ST3GAL1: variants seen among roughly 807,000 people sequenced by gnomAD.
ST3GAL1 encodes the protein CMP-N-acetylneuraminate-beta-galactosamide-alpha-2,3-sialyltransferase 1.
ST3GAL1 carries 16 observed loss-of-function variants against 34.1 expected under a neutral mutation model. The ratio of observed to expected loss-of-function variants is 0.47; its 90% CI spans 0.32 to 0.71. The LOEUF (loss-of-function observed/expected upper bound fraction) is 0.71, where lower values mean the gene tolerates loss of function less well. Among genes scored for constraint, ST3GAL1 ranks in the 30% least tolerant of loss-of-function variants. The pLI, the probability that ST3GAL1 is intolerant of heterozygous loss-of-function variation, is 0.04. For synonymous variants in ST3GAL1, 191 were observed against 184.7 expected (o/e 1.03, Z -0.28); for missense variants, 353 against 447.4 (o/e 0.79, Z 1.90).
intron 2 of ST3GAL1, among the ~76,000 whole-genome samples, chr8:133,541,672 G>T (rs1049784444): frequency 1.2e-4 from 18 of 152,206 alleles, no homozygotes; most frequent in African/African-American, 4.3e-4. Context: ...TCCTGAGAGA[G>T]GTTTCTCCCT....
At chr8:133,496,973 G>A (rs988113997) in intron 3 of ST3GAL1, among the ~76,000 whole-genome samples, 5 of 152,168 alleles carry the variant, frequency 3.3e-5, no homozygotes, top group Admixed American at 6.5e-5. Context: ...TTCTCAGCAC[G>A]TCTCTTCCAG....
At chr8:133,546,045 A>C (rs1818662361) in intron 1 of ST3GAL1, 119 bp from the exon 2 acceptor site, 2 of 152,232 alleles carry the variant, frequency 1.3e-5, no homozygotes, top group South Asian at 4.1e-4. Context: ...TCACTCACCC[A>C]ATTATTTATA....
chr8:133,463,566 C>T, intron 7 of ST3GAL1, 107 bp from the exon 8 acceptor site: 1 of 1,246,712 alleles, frequency 8.0e-7, no homozygotes. Flanking sequence ...GGCATAGCCT[C>T]TCCTGCCCCC....
intron 3 of ST3GAL1, among the ~76,000 whole-genome samples, chr8:133,481,068 G>A (rs1299255774): frequency 6.6e-6 from 1 of 152,188 alleles, no homozygotes; most frequent in Admixed American, 6.5e-5. Context: ...CTTGGATAAT[G>A]TGGGTGTATT....
intron 3 of ST3GAL1, among the ~76,000 whole-genome samples, chr8:133,479,141 G>T (rs1047695693): frequency 6.6e-6 from 1 of 152,208 alleles, no homozygotes; most frequent in Non-Finnish European, 1.5e-5. Context: ...GCCCATCAAG[G>T]TTGTCCATTC....
rs1178002520 is a variant in ST3GAL1, at chr8:133,465,887, C to A, written c.503+7G>T. 1.2e-6 allele frequency: 2 copies of A among 1,611,946 alleles called. No homozygotes were observed. The highest frequency in any genetic ancestry group is 2.7e-5 in the African/African-American group (2 of 74,912). On this transcript the variant is annotated splice_region_variant and intron_variant, in intron 6 of 9. Transcript: ENST00000522652. ...ACGGTAGGCTTGGGAGAGGGTCTGG[C>A]ACTCACCTGAGGACAAAGTCGTGAC... is the stretch of plus-strand genomic sequence containing the variant.
At chr8:133,485,844 G>A (rs1359772758) in intron 3 of ST3GAL1, among the ~76,000 whole-genome samples, 2 of 152,094 alleles carry the variant, frequency 1.3e-5, no homozygotes, top group African/African-American at 2.4e-5. Flanking sequence ...GGGGTGGGGG[G>A]CTGTTTGCGG....
chr8:133,476,509 C>T lies in ST3GAL1; in HGVS notation c.-282G>A, dbSNP rs75073534. On this transcript the variant is annotated 5_prime_UTR_variant, in exon 4 of 10. Transcript: ENST00000522652. ...TCCTCCAACTGTGGTTTCTGACGATCCTTAATTAGGGCTTTTTCTTTCCCA... is the reference window on the plus strand; with the variant it reads ...TCCTCCAACTGTGGTTTCTGACGATTCTTAATTAGGGCTTTTTCTTTCCCA... 6.5e-6 allele frequency: 1 copy of T among 153,322 alleles called. No homozygotes were observed. The highest frequency in any genetic ancestry group is 2.4e-5 in the African/African-American group (1 of 41,558). 9.5% of individuals were successfully genotyped at this position (153,322 alleles called of 1,614,324 possible).
At chr8:133,505,485 C>G (rs1242245845) in intron 2 of ST3GAL1, among the ~76,000 whole-genome samples, 3 of 152,218 alleles carry the variant, frequency 2.0e-5, no homozygotes. Flanking sequence ...AAGCTGCTAT[C>G]TTTTGTCAGC....
intron 5 of ST3GAL1, among the ~76,000 whole-genome samples, chr8:133,472,554 C>A (rs770314571): frequency 1.3e-5 from 2 of 152,220 alleles, no homozygotes; most frequent in South Asian, 2.1e-4. Context: ...AATGGCGCAG[C>A]CTGGAGTTCT....
intron 2 of ST3GAL1, among the ~76,000 whole-genome samples, chr8:133,503,215 G>C (rs1817236549): frequency 6.7e-6 from 1 of 150,338 alleles, no homozygotes; most frequent in Non-Finnish European, 1.5e-5. Context: ...CAAACACAGA[G>C]TTCCTTTTGC....
chr8:133,552,175 C>A (rs1467272328), intron 1 of ST3GAL1, among the ~76,000 whole-genome samples: 2 of 152,200 alleles, frequency 1.3e-5, no homozygotes, highest in Non-Finnish European at 2.9e-5. Flanking sequence ...GGTCCATCAG[C>A]AAGGAACCAC....
At chr8:133,471,767 CAGGACCTGGCCAG>C in intron 5 of ST3GAL1, among the ~76,000 whole-genome samples, 1 of 152,090 alleles carries the variant, frequency 6.6e-6, no homozygotes, top group African/African-American at 2.4e-5. Context: ...AAGCTGGGCC[CAGGACCTGGCCAG>C]AGTTGGTGCT....
At chr8:133,497,383 A>G (rs1816984090) in intron 3 of ST3GAL1, among the ~76,000 whole-genome samples, 1 of 151,614 alleles carries the variant, frequency 6.6e-6, no homozygotes, top group Admixed American at 6.6e-5. Flanking sequence ...TTGTGCAAAG[A>G]GGATTAAGGA....
intron 2 of ST3GAL1, among the ~76,000 whole-genome samples, chr8:133,540,924 T>TATATAGACATATATAGAC (rs1563734225): frequency 2.6e-5 from 2 of 75,888 alleles, no homozygotes; most frequent in South Asian, 5.3e-4. Flanking sequence ...TATAGACATA[T>TATATAGACATATATAGAC]ATATATAGAC....
chr8:133,566,808 A>C (rs1819415778), intron 1 of ST3GAL1, among the ~76,000 whole-genome samples: 1 of 152,230 alleles, frequency 6.6e-6, no homozygotes, highest in African/African-American at 2.4e-5. Flanking sequence ...ATACACGGGC[A>C]TTCCAATGCT....
chr8:133,543,864 T>C (rs1818603787), intron 2 of ST3GAL1, among the ~76,000 whole-genome samples: 1 of 152,200 alleles, frequency 6.6e-6, no homozygotes, highest in African/African-American at 2.4e-5. Flanking sequence ...AAAAATTTAA[T>C]ACTACTATTT....
chr8:133,503,145 G>T (rs944388615), intron 2 of ST3GAL1, among the ~76,000 whole-genome samples: 37 of 152,206 alleles, frequency 2.4e-4, no homozygotes, highest in Admixed American at 6.5e-4. Flanking sequence ...TAACGAACAA[G>T]AAATAAACAC....
rs1257113978 is a variant in ST3GAL1, at chr8:133,458,633, C to T, written c.*1131G>A. On this transcript the variant is annotated 3_prime_UTR_variant, in exon 10 of 10. Coordinates refer to ENST00000522652, the MANE Select transcript of ST3GAL1 (RefSeq NM_173344.3). ...GCAATTCAGGTGCTGGCTCAGGAAA[C>T]CAGAAAAGATGTTCCCAGCTACGGA... is the stretch of plus-strand genomic sequence containing the variant. 6.6e-6 allele frequency: 1 copy of T among 152,182 alleles called. No individual in the cohort carries two copies. Among genetic ancestry groups the T allele is most frequent in the Non-Finnish European group, 1.5e-5 (1 of 68,060 alleles). 9.4% of individuals were successfully genotyped at this position (152,182 alleles called of 1,614,324 possible).
Sources: allele counts gnomAD v4.1 joint callset (sites outside exome capture counted in the v4.1 genomes callset), GRCh38; gene constraint gnomAD v4.1.1; transcripts MANE v1.5; gene names NCBI Gene and HGNC (gene_info 2026-07-23, HGNC 2026-07-21).